EGFR: variants seen among roughly 807,000 people sequenced by gnomAD.
EGFR encodes the protein epidermal growth factor receptor, also known as avian erythroblastic leukemia viral (v-erb-b) oncogene homolog.
A neutral mutation model predicts 143.0 loss-of-function variants in EGFR; 58 were observed. That is an observed-to-expected ratio of 0.41 (90% confidence interval 0.33 to 0.50). The LOEUF (loss-of-function observed/expected upper bound fraction) is 0.50. Ranked by LOEUF, EGFR falls within the 20% of genes least tolerant of loss-of-function variation. EGFR has a pLI of 0.39. For missense variants in EGFR, 1,307 were observed against 1,579.0 expected (o/e 0.83, Z 2.92); for synonymous variants, 613 against 594.4 (o/e 1.03, Z -0.45).
intron 1 of EGFR, among the ~76,000 whole-genome samples, chr7:55,045,635 C>T (rs997168169): frequency 1.3e-5 from 2 of 152,194 alleles, no homozygotes; most frequent in Non-Finnish European, 2.9e-5. Flanking sequence ...TCTCTTTGTG[C>T]CTCAGTTTCC....
At chr7:55,065,130 T>G (rs1789421989) in intron 1 of EGFR, among the ~76,000 whole-genome samples, 1 of 152,254 alleles carries the variant, frequency 6.6e-6, no homozygotes. Flanking sequence ...ATTGCTCGCT[T>G]AATACTGGGA....
intron 2 of EGFR, 138 bp downstream of exon 2, chr7:55,142,575 T>A (rs1794520850): frequency 2.7e-6 from 3 of 1,111,446 alleles, no homozygotes; most frequent in Non-Finnish European, 3.9e-6. Flanking sequence ...AACGAGAGTT[T>A]TATGAGAAAG....
At chr7:55,063,897 G>C (rs2128880323) in intron 1 of EGFR, among the ~76,000 whole-genome samples, 1 of 152,262 alleles carries the variant, frequency 6.6e-6, no homozygotes, top group South Asian at 2.1e-4. Flanking sequence ...TCATTCTTAG[G>C]ATTACTCACT....
intron 15 of EGFR, chr7:55,170,440 C>A (rs2128950688): frequency 6.2e-7 from 1 of 1,614,104 alleles, no homozygotes; most frequent in South Asian, 1.1e-5. Flanking sequence ...AGGATGGATC[C>A]CTTCTCTTCT....
At chr7:55,066,959 T>TACCA (rs1789541973) in intron 1 of EGFR, among the ~76,000 whole-genome samples, 2 of 152,090 alleles carry the variant, frequency 1.3e-5, no homozygotes, top group Admixed American at 1.3e-4. Flanking sequence ...GCTGAGCTGG[T>TACCA]CACTTGGGAG....
intron 1 of EGFR, among the ~76,000 whole-genome samples, chr7:55,061,728 C>T (rs553239136): frequency 8.7e-5 from 13 of 150,086 alleles, no homozygotes; most frequent in Middle Eastern, 3.5e-3. Context: ...TTTTTGGAAC[C>T]GAGACAAATG....
intron 1 of EGFR, among the ~76,000 whole-genome samples, chr7:55,117,960 G>A (rs902582128): frequency 6.6e-6 from 1 of 152,166 alleles, no homozygotes; most frequent in Non-Finnish European, 1.5e-5. Flanking sequence ...CCCCAGAAAA[G>A]GAGAAGGAAG....
At chr7:55,136,419 A>C (rs892749247) in intron 1 of EGFR, among the ~76,000 whole-genome samples, 1 of 152,194 alleles carries the variant, frequency 6.6e-6, no homozygotes, top group Non-Finnish European at 1.5e-5. Context: ...GGCACACGGA[A>C]ACGAGAAAGG....
intron 1 of EGFR, among the ~76,000 whole-genome samples, chr7:55,023,452 A>G (rs1786690380): frequency 6.6e-6 from 1 of 152,136 alleles, no homozygotes; most frequent in Non-Finnish European, 1.5e-5. Context: ...GTTTGAGACC[A>G]GGCTGACCAA....
intron 1 of EGFR, among the ~76,000 whole-genome samples, chr7:55,123,656 G>T (rs1793344419): frequency 6.6e-6 from 1 of 152,070 alleles, no homozygotes; most frequent in Non-Finnish European, 1.5e-5. Context: ...TTTGCAAGAG[G>T]AGGTCTAGAG....
chr7:55,060,633 A>G (rs929036340), intron 1 of EGFR, among the ~76,000 whole-genome samples: 3 of 152,198 alleles, frequency 2.0e-5, no homozygotes, highest in Non-Finnish European at 4.4e-5. Flanking sequence ...CCCCTTCAGG[A>G]AATGACTTTT....
At chr7:55,077,665 C>A (rs1790207513) in intron 1 of EGFR, among the ~76,000 whole-genome samples, 1 of 152,102 alleles carries the variant, frequency 6.6e-6, no homozygotes, top group Admixed American at 6.5e-5. Context: ...ACCGAAAGAC[C>A]AAGACTGCTA....
chr7:55,158,644 G>T (rs1324445367), intron 11 of EGFR, among the ~76,000 whole-genome samples: 1 of 152,226 alleles, frequency 6.6e-6, no homozygotes, highest in Non-Finnish European at 1.5e-5. Flanking sequence ...TGGCTTAGTT[G>T]TAGGGATTTA....
At position 55,054,773 on chromosome 7, in the gene EGFR, G is replaced by A. The variant is rs1047417649; in HGVS notation, c.88+35408G>A. 2.6e-5 allele frequency among the ~76,000 whole-genome samples: 4 copies of A among 152,190 alleles called. No individual in the cohort carries two copies. In the East Asian group the frequency reaches 7.7e-4, roughly 29 times the overall value. On this transcript the variant is annotated intron_variant, in intron 1 of 27. Coordinates refer to ENST00000275493, the MANE Select transcript of EGFR (RefSeq NM_005228.5). ...ACACCACTCACATGGCTGTGCCTCT[G>A]CTTCCTTCTGGCATGGCTGCTTCTT... is the stretch of plus-strand genomic sequence containing the variant.
chr7:55,116,990 A>G (rs894007710), intron 1 of EGFR, among the ~76,000 whole-genome samples: 21 of 152,240 alleles, frequency 1.4e-4, no homozygotes, highest in Non-Finnish European at 2.9e-4. Context: ...TTTTGTTTGC[A>G]TTTCTGTTGG....
At chr7:55,187,978 G>A (rs1367016253) in intron 20 of EGFR, among the ~76,000 whole-genome samples, 1 of 152,164 alleles carries the variant, frequency 6.6e-6, no homozygotes, top group Non-Finnish European at 1.5e-5. Flanking sequence ...GCCTGCCTCA[G>A]GACCAGCCCA....
intron 1 of EGFR, among the ~76,000 whole-genome samples, chr7:55,141,931 T>C (rs930756808): frequency 4.6e-5 from 7 of 152,244 alleles, no homozygotes; most frequent in Non-Finnish European, 1.0e-4. Context: ...AGAATTTTCA[T>C]CTACCACCCA....
intron 19 of EGFR, among the ~76,000 whole-genome samples, chr7:55,178,176 G>A (rs1352018488): frequency 6.6e-6 from 1 of 152,202 alleles, no homozygotes; most frequent in African/African-American, 2.4e-5. Context: ...AATACAATAT[G>A]TTTTCAAGTC....
At chr7:55,058,935 T>C (rs1434101990) in intron 1 of EGFR, among the ~76,000 whole-genome samples, 2 of 152,214 alleles carry the variant, frequency 1.3e-5, no homozygotes, top group Non-Finnish European at 2.9e-5. Context: ...TGGATGGCTC[T>C]AGCAAAAAAA....
Sources: gnomAD v4.1 joint callset for allele counts (sites outside exome capture counted in the v4.1 genomes callset) on GRCh38, gnomAD v4.1.1 for gene constraint, MANE v1.5 for transcripts, NCBI Gene and HGNC (gene_info 2026-07-23, HGNC 2026-07-21) for gene names.